Variants in HSPA9 observed in about 807,000 individuals in gnomAD.
HSPA9 encodes stress-70 protein, mitochondrial.
In HSPA9, 28 loss-of-function variants were observed where a neutral mutation model predicts 81.5. The observed-to-expected ratio is 0.34, with a 90% confidence interval of 0.25 to 0.47. The LOEUF is 0.47. HSPA9 is among the 20% of genes least tolerant of loss of function. The pLI is 1.00. For synonymous variants in HSPA9, 293 were observed against 290.4 expected, an observed-to-expected ratio of 1.01 and a Z score of -0.09; for missense variants, 678 against 838.0, an observed-to-expected ratio of 0.81 and a Z score of 2.36.
chr5:138,575,165 G>A (rs1290808515), intron 1 of HSPA9, 73 bp downstream of exon 1: 17 of 1,044,616 alleles, frequency 1.6e-5, no homozygotes, highest in African/African-American at 3.1e-5. Context: ...AAGGGCGCGC[G>A]GCCTGCCGCA....
chr5:138,560,130 G>C, intron 10 of HSPA9, 39 bp from the exon 11 acceptor site: 1 of 1,485,154 alleles, frequency 6.7e-7, no homozygotes, highest in Non-Finnish European at 9.4e-7. Flanking sequence ...GCCCACACTT[G>C]GGAACTACCT....
intron 10 of HSPA9, 134 bp downstream of exon 10, chr5:138,561,446 C>T (rs1002495043): frequency 2.7e-6 from 2 of 733,636 alleles, no homozygotes. Flanking sequence ...GAAAAGAATT[C>T]TTTAGTGAGT....
chr5:138,557,331 C>A (rs568621210), intron 14 of HSPA9, 71 bp downstream of exon 14: 20 of 1,050,022 alleles, frequency 1.9e-5, no homozygotes, highest in African/African-American at 3.1e-5. Flanking sequence ...GACACTGCGC[C>A]CAGCCCCAAA....
chr5:138,573,722 G>T, intron 3 of HSPA9, 41 bp downstream of exon 3: 2 of 1,162,150 alleles, frequency 1.7e-6, no homozygotes, highest in Non-Finnish European at 2.6e-6. Context: ...CAGAATTCTG[G>T]ACAGATTCTG....
At chr5:138,563,482 TACTCTC>T (rs1289988791) in intron 9 of HSPA9, among the ~76,000 whole-genome samples, 5 of 152,172 alleles carry the variant, frequency 3.3e-5, no homozygotes, top group Admixed American at 3.3e-4. Flanking sequence ...ACTTGTGTCT[TACTCTC>T]ACTCTCATCC....
intron 9 of HSPA9, among the ~76,000 whole-genome samples, 195 bp from the exon 10 acceptor site, chr5:138,561,984 G>A (rs981611351): frequency 1.3e-5 from 2 of 151,606 alleles, no homozygotes; most frequent in Non-Finnish European, 2.9e-5. Flanking sequence ...CTATCGCCAG[G>A]CTGGAGTGCA....
In HSPA9 at chr5:138,567,034, C is replaced by G. The variant is rs202009644; in HGVS notation, c.846G>C (p.Leu282Phe). 1 of 1,612,638 alleles carries G rather than the reference C, an allele frequency of 6.2e-7. No homozygotes were observed. The highest frequency in any genetic ancestry group is 2.2e-5 in the East Asian group (1 of 44,872). ...TGAACTCCTTCACAATGTGCCGTAG[C>G]AAGGCCTGGTCAAAGTCTTCCCCAC... is the stretch of plus-strand genomic sequence containing the variant. The part of the protein sequence containing the change: ...FLGGEDFDQA[L>F]LRHIVKEFKR... Residue 282 changes from leucine to phenylalanine, a missense_variant, in exon 8 of 17, where the codon TTG (leucine) becomes TTC (phenylalanine). Physicochemically the swap from Leu to Phe is conservative, Grantham distance 22. Transcript: ENST00000297185.
intron 9 of HSPA9, among the ~76,000 whole-genome samples, chr5:138,565,640 AAG>A (rs1750745625): frequency 1.3e-5 from 2 of 152,192 alleles, no homozygotes; most frequent in African/African-American, 4.8e-5. Context: ...CAAACTGACA[AAG>A]AGGCTGTGTA....
rs1272115995 is a variant in HSPA9, at chr5:138,555,245, G to C, written c.*792C>G. 6.6e-6 allele frequency: 1 copy of C among 151,990 alleles called. No homozygotes were observed. The highest frequency in any genetic ancestry group is 6.6e-5 in the Admixed American group (1 of 15,246). The allele number at this position is 151,990 out of a possible 1,614,324, so 9.4% of individuals were successfully genotyped here. A position where few individuals can be genotyped will look rare whatever the true frequency, so the allele number is the denominator to read the frequency against. ...TTTTTAACCAGTGTTAGCAAATCCT[G>C]TATTTCCCTCTTTGGGAAATATGGG... On this transcript the variant is annotated 3_prime_UTR_variant, in exon 17 of 17. Transcript: ENST00000297185.
intron 9 of HSPA9, among the ~76,000 whole-genome samples, chr5:138,562,854 G>A (rs1750689017): frequency 2.0e-5 from 3 of 152,190 alleles, no homozygotes; most frequent in African/African-American, 7.2e-5. Flanking sequence ...TGATACGAAA[G>A]CTACAGACAT....
intron 5 of HSPA9, 37 bp from the exon 6 acceptor site, chr5:138,567,759 A>G: frequency 6.8e-7 from 1 of 1,464,152 alleles, no homozygotes; most frequent in Non-Finnish European, 9.6e-7. Context: ...GAATTCTGTC[A>G]GAACAGAATT....
chr5:138,566,824 T>A, intron 8 of HSPA9, 106 bp from the exon 9 acceptor site: 1 of 1,094,990 alleles, frequency 9.1e-7, no homozygotes. Context: ...CCTTTATATA[T>A]AAGCATGAAT....
Position 138,564,300 on chromosome 5 carries a change from C to T in HSPA9, c.972+2326G>A, listed in dbSNP as rs575019360. ...TGTATTTTTAGTAGAGACACGGTTTCACCGTGTTGGCGAGGCTGGTCTGGA... is the reference window on the plus strand; with the variant it reads ...TGTATTTTTAGTAGAGACACGGTTTTACCGTGTTGGCGAGGCTGGTCTGGA... On this transcript the variant is annotated intron_variant, in intron 9 of 16. Transcript: ENST00000297185. 3.9e-5 allele frequency among the ~76,000 whole-genome samples: 6 copies of T among 152,310 alleles called. No individual in the cohort carries two copies. In the South Asian group the frequency reaches 1.0e-3, roughly 26 times the overall value.
Position 138,570,962 on chromosome 5 carries a change from G to A in HSPA9, c.408C>T (p.Asp136=), listed in dbSNP as rs1357418625. The change falls in exon 4 of 17, where the codon GAC becomes GAT. Residue 136 remains aspartate, a splice_region_variant and synonymous_variant. Transcript: ENST00000297185. ...RRYDDPEVQK[D]IKNVPFKIVR... The stretch of plus-strand genomic sequence containing the variant: ...AAAAAACTTTTGCTGTTACTCACAT[G>A]TCTTTCTGTACTTCAGGATCATCAT... The A allele has an allele frequency of 4.3e-6, 7 of 1,614,002 alleles. No individual in the cohort carries two copies. Among genetic ancestry groups the A allele is most frequent in the Non-Finnish European group, 5.1e-6 (6 of 1,180,000 alleles).
At chr5:138,565,523 TCTG>T (rs1426077422) in intron 9 of HSPA9, among the ~76,000 whole-genome samples, 4 of 152,168 alleles carry the variant, frequency 2.6e-5, no homozygotes, top group South Asian at 2.1e-4. Context: ...CGGAAATAGA[TCTG>T]CTGCTTTCTA....
At chr5:138,560,661 C>G (rs565634715) in intron 10 of HSPA9, 1 of 217,208 alleles carries the variant, frequency 4.6e-6, no homozygotes, top group Non-Finnish European at 9.6e-6. Flanking sequence ...CCTGCGTTCA[C>G]GCCATTCTCC....
chr5:138,565,284 A>G (rs1001928719), intron 9 of HSPA9, among the ~76,000 whole-genome samples: 1 of 152,170 alleles, frequency 6.6e-6, no homozygotes, highest in Non-Finnish European at 1.5e-5. Flanking sequence ...CCAACGTTGC[A>G]ATGTTCTGCC....
chr5:138,561,319 C>CATAT lies in HSPA9; in HGVS notation c.1182+257_1182+260dup, dbSNP rs914694552. Reference sequence around the variant, plus strand: ...CTAATTTTTCATACATACATACATACATATATATATATAAATTAGACTCAT... The same window carrying CATAT: ...CTAATTTTTCATACATACATACATACATATATATATATATATAAATTAGACTCAT... On this transcript the variant is annotated intron_variant, in intron 10 of 16. Coordinates refer to ENST00000297185, the MANE Select transcript of HSPA9 (RefSeq NM_004134.7). Among the ~76,000 whole-genome samples, 7 of 151,790 alleles carry CATAT rather than the reference C, an allele frequency of 4.6e-5. No homozygotes were observed. The South Asian group carries it at 6.2e-4, about 14-fold the overall frequency.
intron 5 of HSPA9, 124 bp downstream of exon 5, chr5:138,568,801 T>A (rs752984809): frequency 2.7e-5 from 26 of 970,672 alleles, no homozygotes; most frequent in Non-Finnish European, 4.0e-5. Flanking sequence ...GTTTTGCCAT[T>A]CCTAGTTTTT....
Sources: gnomAD v4.1 joint callset for allele counts (sites outside exome capture counted in the v4.1 genomes callset) on GRCh38, gnomAD v4.1.1 for gene constraint, MANE v1.5 for transcripts, NCBI Gene and HGNC (gene_info 2026-07-23, HGNC 2026-07-21) for gene names.